Variants in PLCD3 observed in about 807,000 individuals in gnomAD.
PLCD3 encodes the protein phospholipase C delta 3.
A neutral mutation model predicts 82.8 loss-of-function variants in PLCD3; 62 were observed. The ratio of observed to expected loss-of-function variants is 0.75; its 90% confidence interval spans 0.61 to 0.93. The LOEUF is 0.93. Among genes scored for constraint, PLCD3 ranks in the 40% least tolerant of loss-of-function variants. The pLI, the probability that PLCD3 is intolerant of heterozygous loss-of-function variation, is 0.00. For missense variants in PLCD3, 1,023 were observed against 1,103.4 expected (o/e 0.93, Z 1.03); for synonymous variants, 478 against 471.8 (o/e 1.01, Z -0.17).
Position 45,115,481 on chromosome 17 carries a change from C to G in PLCD3, c.1423G>C (p.Gly475Arg), listed in dbSNP as rs759846666. The G allele has an allele frequency of 6.2e-7, 1 of 1,609,628 alleles. No individual in the cohort carries two copies. The highest frequency in any genetic ancestry group is 8.5e-7 in the Non-Finnish European group (1 of 1,178,274). ...EELPSPEQLK[G>R]RVLVKGKKLP... ...TTCTTTCCCTTCACCAGGACCCGGC[C>G]CTTCAGCTGCTGTGGGGGCCAACGT... The change falls in exon 9 of 15, where the codon GGC (glycine) becomes CGC (arginine). Residue 475 changes from glycine to arginine, a missense_variant. This residue lies in a region of PLCD3 where 553 missense variants were observed against 655.7 expected (regional missense o/e 0.84). Coordinates refer to ENST00000619929, the MANE Select transcript of PLCD3 (RefSeq NM_133373.5).
At chr17:45,124,540 G>A (rs891839234) in intron 1 of PLCD3, among the ~76,000 whole-genome samples, 9 of 152,374 alleles carry the variant, frequency 5.9e-5, no homozygotes, top group African/African-American at 1.9e-4. Flanking sequence ...CCCTGGGGCA[G>A]TGAGAGGACT....
At chr17:45,119,619 G>A (rs1219347662) in intron 4 of PLCD3, among the ~76,000 whole-genome samples, 2 of 152,238 alleles carry the variant, frequency 1.3e-5, no homozygotes, top group African/African-American at 2.4e-5. Flanking sequence ...AGATGTGGAA[G>A]GAAAAATGGT....
chr17:45,119,828 A>G (rs1396124256), intron 4 of PLCD3, among the ~76,000 whole-genome samples: 1 of 150,596 alleles, frequency 6.6e-6, no homozygotes, highest in Non-Finnish European at 1.5e-5. Context: ...GGGTCCCACC[A>G]TCCACATGCA....
intron 3 of PLCD3, among the ~76,000 whole-genome samples, 175 bp from the exon 4 acceptor site, chr17:45,120,629 G>A (rs1010146022): frequency 1.3e-5 from 2 of 152,180 alleles, no homozygotes; most frequent in Non-Finnish European, 2.9e-5. Flanking sequence ...CAGGACTGGG[G>A]CTTACCAAAG....
chr17:45,116,123 C>A (rs1029066956), intron 8 of PLCD3, among the ~76,000 whole-genome samples: 37 of 152,216 alleles, frequency 2.4e-4, no homozygotes, highest in Admixed American at 2.4e-3. Flanking sequence ...TCTCAAGGAG[C>A]CCGACAGGAT....
chr17:45,113,384 G>C (rs2054264404), intron 12 of PLCD3, 55 bp downstream of exon 12: 1 of 1,560,630 alleles, frequency 6.4e-7, no homozygotes, highest in South Asian at 1.2e-5. Context: ...ACCTCACAAA[G>C]AGCCTTTCTA....
rs926691611 is a variant in PLCD3 at position 45,121,073 on chromosome 17, C to T, written c.383G>A (p.Arg128His). The T allele has an allele frequency of 2.4e-5, 37 of 1,541,208 alleles. No individual in the cohort carries two copies. Among genetic ancestry groups the T allele is most frequent in the Non-Finnish European group, 3.2e-5 (37 of 1,152,138 alleles). ...CGCTGGCGCGAAGGCACCCCCGAAG[C>T]GCCGCAGGCCCTCGGACTGGTGGCC... The part of the protein sequence containing the change: ...REGHQSEGLR[R>H]FGGAFAPARC... Residue 128 changes from arginine to histidine, a missense_variant, in exon 3 of 15, where the codon CGC becomes CAC. By Grantham distance (29) the Arg-to-His change is conservative. Transcript: ENST00000619929.
At chr17:45,124,982 G>C (rs1352041824) in intron 1 of PLCD3, among the ~76,000 whole-genome samples, 1 of 152,228 alleles carries the variant, frequency 6.6e-6, no homozygotes, top group Non-Finnish European at 1.5e-5. Context: ...TTTGAGGTCA[G>C]GAGTTCAAGA....
chr17:45,130,047 C>T (rs2054408236), intron 1 of PLCD3, among the ~76,000 whole-genome samples: 2 of 152,162 alleles, frequency 1.3e-5, no homozygotes, highest in African/African-American at 4.8e-5. Context: ...AGGGGCTGGG[C>T]CCCAAGACTG....
rs1331150944 is a variant in PLCD3, at chr17:45,109,031, A to G, written c.*3585T>C. The stretch of plus-strand genomic sequence containing the variant: ...GCTGAACAAAACCTTCTGTCCTGGT[A>G]TTCCTGGTCAGCAGGTGGCAGTGGA... On this transcript the variant is annotated 3_prime_UTR_variant, in exon 15 of 15. Transcript: ENST00000619929. 1 of 152,692 alleles carries G rather than the reference A, an allele frequency of 6.5e-6. No individual in the cohort carries two copies. The highest frequency in any genetic ancestry group is 1.5e-5 in the Non-Finnish European group (1 of 68,054). The allele number at this position is 152,692 out of a possible 1,614,324, so 9.5% of individuals were successfully genotyped here.
intron 1 of PLCD3, among the ~76,000 whole-genome samples, chr17:45,126,347 ATTT>A (rs398030937): frequency 1.0e-4 from 8 of 79,074 alleles, no homozygotes; most frequent in Admixed American, 7.0e-4. Flanking sequence ...CGCCCAGCCT[ATTT>A]TTTTTTTTTT....
chr17:45,124,393 G>A (rs1020473924), intron 1 of PLCD3, among the ~76,000 whole-genome samples: 1 of 152,240 alleles, frequency 6.6e-6, no homozygotes, highest in Non-Finnish European at 1.5e-5. Context: ...ATTCCAGGCT[G>A]CCCCGCAAAC....
Position 45,110,605 on chromosome 17 carries a change from C to G in PLCD3, c.*2011G>C, listed in dbSNP as rs987044941. 8 of 152,212 alleles carry G rather than the reference C, an allele frequency of 5.3e-5. No homozygotes were observed. The highest frequency in any genetic ancestry group is 1.7e-4 in the African/African-American group (7 of 41,442). The allele number at this position is 152,212 out of a possible 1,614,324, so 9.4% of individuals were successfully genotyped here. A position where few individuals can be genotyped will look rare whatever the true frequency, so the allele number is the denominator to read the frequency against. On this transcript the variant is annotated 3_prime_UTR_variant, in exon 15 of 15. Transcript: ENST00000619929. ...GTCTGGTGCTCACCTGACCCAGACC[C>G]CCCAGCCAGCCCCTGGCCAGACCTG... is the stretch of plus-strand genomic sequence containing the variant.
Position 45,115,448 on chromosome 17 carries a change from C to T in PLCD3, c.1456G>A (p.Ala486Thr), listed in dbSNP as rs921698929. 6.8e-6 allele frequency: 11 copies of T among 1,612,380 alleles called. No individual in the cohort carries two copies. Among genetic ancestry groups the T allele is most frequent in the East Asian group, 4.5e-5 (2 of 44,846 alleles). Residue 486 changes from alanine to threonine, a missense_variant, in exon 9 of 15, where the codon GCT becomes ACT. Physicochemically the swap from Ala to Thr is moderately conservative, Grantham distance 58. Transcript: ENST00000619929. ...RVLVKGKKLPAARSEDGRALS... is the reference protein window; with the variant it reads ...RVLVKGKKLPTARSEDGRALS... ...GCCCGGCCATCCTCGCTCCGAGCAG[C>T]GGGCAACTTCTTTCCCTTCACCAGG...
At chr17:45,113,641 G>A (rs777109254) in intron 11 of PLCD3, 36 bp from the exon 12 acceptor site, 1 of 1,548,716 alleles carries the variant, frequency 6.5e-7, no homozygotes. Context: ...GGGGCTCTTA[G>A]CGGCCCTGTT....
In PLCD3 at chr17:45,118,673, A is replaced by G; in HGVS notation, c.913+142T>C. On this transcript the variant is annotated intron_variant, in intron 5 of 14. Coordinates refer to ENST00000619929, the MANE Select transcript of PLCD3 (RefSeq NM_133373.5). The surrounding 1 kb of genome is among the most constrained non-coding windows in gnomAD (Gnocchi z 4.1). Reference sequence around the variant, plus strand: ...TGGGAGGAAGACAAACTGTTGTGCCATTTTACACATGTGGAAGCTGAGTCT... The same window carrying G: ...TGGGAGGAAGACAAACTGTTGTGCCGTTTTACACATGTGGAAGCTGAGTCT... 2 of 1,118,580 alleles carry G rather than the reference A, an allele frequency of 1.8e-6. No individual in the cohort carries two copies. Among genetic ancestry groups the G allele is most frequent in the Non-Finnish European group, 2.5e-6 (2 of 795,734 alleles). 69.3% of individuals were successfully genotyped at this position (1,118,580 alleles called of 1,614,324 possible).
chr17:45,118,258 G>A lies in PLCD3; in HGVS notation c.1115+33C>T, dbSNP rs1469825193. On this transcript the variant is annotated intron_variant, in intron 6 of 14. Coordinates refer to ENST00000619929, the MANE Select transcript of PLCD3 (RefSeq NM_133373.5). The surrounding 1 kb of genome is among the most constrained non-coding windows in gnomAD (Gnocchi z 4.1). The stretch of plus-strand genomic sequence containing the variant: ...CAGCCCATGTCTCTCCCCAGGTGGG[G>A]CTCCCGGAAACATTCACCCCCTGCT... 1 of 1,613,100 alleles carries A rather than the reference G, an allele frequency of 6.2e-7. No individual in the cohort carries two copies. Among genetic ancestry groups the A allele is most frequent in the South Asian group, 1.1e-5 (1 of 91,050 alleles).
intron 1 of PLCD3, among the ~76,000 whole-genome samples, chr17:45,123,961 C>CT (rs1555610217): frequency 7.1e-6 from 1 of 141,166 alleles, no homozygotes; most frequent in Non-Finnish European, 1.6e-5. Context: ...ACCAGACCCC[C>CT]CCCCCAACCA....
In PLCD3 at chr17:45,132,154, C is replaced by A; in HGVS notation, c.163+94G>T. ...GCCATAGCCTCCCAGCCCCGTGCAG[C>A]CTGGGGAATCCACGAACTGCTCCCT... On this transcript the variant is annotated intron_variant, in intron 1 of 14. Coordinates refer to ENST00000619929, the MANE Select transcript of PLCD3 (RefSeq NM_133373.5). The surrounding 1 kb of genome is among the most constrained non-coding windows in gnomAD (Gnocchi z 4.6). The A allele has an allele frequency of 2.5e-6, 3 of 1,178,870 alleles. No homozygotes were observed. The highest frequency in any genetic ancestry group is 3.2e-6 in the Non-Finnish European group (3 of 940,476). The allele number at this position is 1,178,870 out of a possible 1,614,324, so 73.0% of individuals were successfully genotyped here. A position where few individuals can be genotyped will look rare whatever the true frequency, so the allele number is the denominator to read the frequency against.
Sources: gnomAD v4.1 joint callset for allele counts (sites outside exome capture counted in the v4.1 genomes callset) on GRCh38, gnomAD v4.1.1 for gene constraint, gnomAD v4.1.1 regional missense constraint, Gnocchi (gnomAD v3.1) non-coding constraint, MANE v1.5 for transcripts, NCBI Gene and HGNC (gene_info 2026-07-23, HGNC 2026-07-21) for gene names.